The following PDE10A variants were observed in gnomAD, a reference collection of about 807,000 sequenced individuals.
PDE10A encodes cAMP and cAMP-inhibited cGMP 3',5'-cyclic phosphodiesterase 10A.
A neutral mutation model predicts 97.7 loss-of-function variants in PDE10A; 39 were observed. The ratio of observed to expected loss-of-function variants is 0.40; its 90% CI spans 0.31 to 0.52. The LOEUF is 0.52. PDE10A is among the 20% of genes least tolerant of loss of function. PDE10A has a pLI of 0.56. For missense variants in PDE10A, 731 were observed against 1,047.8 expected (o/e 0.70, Z 4.17); for synonymous variants, 371 against 376.8 (o/e 0.98, Z 0.18).
intron 1 of PDE10A, among the ~76,000 whole-genome samples, chr6:165,586,802 G>A (rs1785939409): frequency 1.3e-5 from 2 of 152,068 alleles, no homozygotes; most frequent in Admixed American, 1.3e-4. Context: ...TTGAAATTTG[G>A]TTGGAAGCCA....
At chr6:165,863,470 C>A (rs539384038) in intron 1 of PDE10A, among the ~76,000 whole-genome samples, 1 of 152,258 alleles carries the variant, frequency 6.6e-6, no homozygotes, top group Non-Finnish European at 1.5e-5. Context: ...ATATAACTAC[C>A]TTTTAATGTT....
intron 1 of PDE10A, among the ~76,000 whole-genome samples, chr6:165,805,611 T>C (rs1779115431): frequency 1.3e-5 from 2 of 152,032 alleles, no homozygotes; most frequent in Admixed American, 1.3e-4. Context: ...ACAGGTATAT[T>C]TAAAACGTTT....
chr6:165,553,066 C>A (rs543914737), intron 1 of PDE10A, among the ~76,000 whole-genome samples: 2 of 152,252 alleles, frequency 1.3e-5, no homozygotes, highest in South Asian at 4.1e-4. Context: ...TCTTTTCTTT[C>A]TCTTACTTCT....
chr6:165,929,551 G>A lies in PDE10A; in HGVS notation c.-615+57978C>T, dbSNP rs77663549. ...ACCACTGTGTGGGGCTGGATGCCGC[G>A]ACACCCTATGTGTCCCATGCCCCAG... On this transcript the variant is annotated intron_variant, in intron 1 of 19. Transcript: ENST00000366882. Among the ~76,000 whole-genome samples, 957 of 152,274 alleles carry A rather than the reference G, an allele frequency of 6.3e-3. 10 individuals carry two copies. The highest frequency in any genetic ancestry group is 0.02 in the African/African-American group (847 of 41,554).
In PDE10A at chr6:165,708,401, TC is replaced by T. The variant is rs796887962; in HGVS notation, c.-614-164834del. Among the ~76,000 whole-genome samples, 28 of 152,072 alleles carry T rather than the reference TC, an allele frequency of 1.8e-4. 1 individual carries two copies. Among genetic ancestry groups the T allele is most frequent in the African/African-American group, 6.3e-4 (26 of 41,466 alleles). ...TCCAGGAGGACCCGTTCATGCATCTTCCCAGGACCCACATTTGCATCTTCAT... is the reference window on the plus strand; with the variant it reads ...TCCAGGAGGACCCGTTCATGCATCTTCCAGGACCCACATTTGCATCTTCAT... On this transcript the variant is annotated intron_variant, in intron 1 of 19. Coordinates refer to the PDE10A transcript ENST00000366882.
chr6:165,725,556 A>T (rs992651681), intron 1 of PDE10A, among the ~76,000 whole-genome samples: 4 of 152,216 alleles, frequency 2.6e-5, no homozygotes, highest in African/African-American at 4.8e-5. Flanking sequence ...TGCTTTAGCC[A>T]TCGGTTCCTG....
chr6:165,379,067 G>T, intron 18 of PDE10A, 127 bp downstream of exon 18: 2 of 648,464 alleles, frequency 3.1e-6, no homozygotes, highest in South Asian at 4.2e-5. Context: ...TACATAAAGT[G>T]AAAAACATGT....
chr6:165,684,163 T>C (rs1453006993), intron 1 of PDE10A, among the ~76,000 whole-genome samples: 5 of 152,220 alleles, frequency 3.3e-5, no homozygotes, highest in African/African-American at 1.2e-4. Context: ...TTGTCTGTAA[T>C]GCTTATCAGC....
intron 1 of PDE10A, among the ~76,000 whole-genome samples, chr6:165,867,071 C>T (rs1035463180): frequency 6.6e-6 from 1 of 151,494 alleles, no homozygotes; most frequent in Non-Finnish European, 1.5e-5. Context: ...GAAAACCCCA[C>T]CAAATTATAA....
At chr6:165,416,397 G>C (rs573140748) in intron 11 of PDE10A, 116 bp from the exon 12 acceptor site, 1 of 721,990 alleles carries the variant, frequency 1.4e-6, no homozygotes, top group South Asian at 1.6e-5. Flanking sequence ...TTAAATGCGT[G>C]TATTACTTTT....
chr6:165,373,319 G>A (rs1298575230), intron 18 of PDE10A, among the ~76,000 whole-genome samples: 13 of 151,638 alleles, frequency 8.6e-5, no homozygotes, highest in Admixed American at 3.9e-4. Context: ...AAAATTTTTC[G>A]CAACCTACTC....
chr6:165,864,233 G>A (rs1252806955), intron 1 of PDE10A, among the ~76,000 whole-genome samples: 4 of 152,112 alleles, frequency 2.6e-5, no homozygotes, highest in Non-Finnish European at 5.9e-5. Context: ...AAGAATTATT[G>A]TTCTTAAAGT....
intron 2 of PDE10A, among the ~76,000 whole-genome samples, chr6:165,535,355 C>A (rs906383319): frequency 9.2e-5 from 14 of 151,786 alleles, no homozygotes; most frequent in African/African-American, 3.4e-4. Context: ...TAAGTAAATT[C>A]TAATTCCTTA....
intron 2 of PDE10A, among the ~76,000 whole-genome samples, chr6:165,488,339 T>A (rs888913743): frequency 8.5e-5 from 13 of 152,190 alleles, no homozygotes; most frequent in South Asian, 2.1e-4. Context: ...AAGGATAGTT[T>A]ATGGGAAAAA....
rs143331811 is a variant in PDE10A at position 165,673,517 on chromosome 6, C to T, written c.-614-129949G>A. ...CCCTGTACCTAGGCAAGATGATCTCCGCAGACCTTCTTGCAGCCCTATAAT... is the reference window on the plus strand; with the variant it reads ...CCCTGTACCTAGGCAAGATGATCTCTGCAGACCTTCTTGCAGCCCTATAAT... On this transcript the variant is annotated intron_variant, in intron 1 of 19. Coordinates refer to the PDE10A transcript ENST00000366882. Among the ~76,000 whole-genome samples, 624 of 152,350 alleles carry T rather than the reference C, an allele frequency of 4.1e-3. 9 individuals are homozygous for T. The highest frequency in any genetic ancestry group is 0.014 in the African/African-American group (598 of 41,580).
chr6:165,763,471 C>T (rs1793300911), intron 1 of PDE10A, among the ~76,000 whole-genome samples: 1 of 152,154 alleles, frequency 6.6e-6, no homozygotes, highest in Non-Finnish European at 1.5e-5. Flanking sequence ...TACAGGCGCC[C>T]ACCACCATAC....
At chr6:165,575,636 A>T (rs1785264864) in intron 1 of PDE10A, among the ~76,000 whole-genome samples, 1 of 152,230 alleles carries the variant, frequency 6.6e-6, no homozygotes, top group African/African-American at 2.4e-5. Context: ...ACAACAAAAC[A>T]TCCTTCACAC....
At chr6:165,610,262 G>A (rs114348706) in intron 1 of PDE10A, among the ~76,000 whole-genome samples, 1,672 of 152,276 alleles carry the variant, frequency 0.011, 30 homozygotes, top group African/African-American at 0.038. Context: ...ATGGGGAAAC[G>A]GCCAGGCCCG....
intron 1 of PDE10A, among the ~76,000 whole-genome samples, chr6:165,887,698 A>G (rs1781666506): frequency 6.6e-6 from 1 of 152,188 alleles, no homozygotes; most frequent in East Asian, 1.9e-4. Flanking sequence ...TTCTACCTTC[A>G]AGACACATCC....
Sources: gnomAD v4.1 joint callset for allele counts (sites outside exome capture counted in the v4.1 genomes callset) on GRCh38, gnomAD v4.1.1 for gene constraint, MANE v1.5 for transcripts, NCBI Gene and HGNC (gene_info 2026-07-23, HGNC 2026-07-21) for gene names.